The following CSTPP1 variants were observed in gnomAD, a reference collection of about 807,000 sequenced individuals.
CSTPP1 encodes centriolar satellite-associated tubulin polyglutamylase complex regulator 1, also known as UPF0705 protein C11orf49.
the CSTPP1 span, among the ~76,000 whole-genome samples, chr11:47,063,939 C>T: frequency 6.6e-6 from 1 of 152,170 alleles, no homozygotes; most frequent in East Asian, 1.9e-4. Context: ...TACATTCTCA[C>T]CAGCAATGCA....
the CSTPP1 span, among the ~76,000 whole-genome samples, chr11:47,012,995 T>TTA: frequency 0.067 from 5,888 of 87,692 alleles, 385 homozygotes; most frequent in African/African-American, 0.19. Flanking sequence ...GACAGAATGG[T>TTA]TATATATATA....
the CSTPP1 span, among the ~76,000 whole-genome samples, chr11:46,958,537 T>C: frequency 8.5e-5 from 13 of 152,148 alleles, no homozygotes; most frequent in Non-Finnish European, 1.3e-4. Flanking sequence ...CTTGAACTCC[T>C]GGGTTCAAGC....
the CSTPP1 span, among the ~76,000 whole-genome samples, chr11:46,962,857 G>A: frequency 2.6e-5 from 4 of 152,050 alleles, no homozygotes; most frequent in African/African-American, 4.8e-5. Context: ...AGGAAGCTAA[G>A]GTGGGAGAAT....
chr11:47,044,969 A>C, the CSTPP1 span, among the ~76,000 whole-genome samples: 1 of 152,316 alleles, frequency 6.6e-6, no homozygotes, highest in South Asian at 2.1e-4. Context: ...AGTCAGTTTA[A>C]AGTACTGAGC....
At chr11:47,103,060 C>A in the CSTPP1 span, among the ~76,000 whole-genome samples, 1 of 149,758 alleles carries the variant, frequency 6.7e-6, no homozygotes. Flanking sequence ...GAGAGTGTGG[C>A]CCCAAAGGCA....
At chr11:47,038,513 T>A in the CSTPP1 span, among the ~76,000 whole-genome samples, 1 of 94,822 alleles carries the variant, frequency 1.1e-5, no homozygotes, top group African/African-American at 3.1e-5. Flanking sequence ...GGCTCCTCAC[T>A]TCCCAGTAGG....
chr11:46,973,573 T>C, the CSTPP1 span, among the ~76,000 whole-genome samples: 1 of 152,216 alleles, frequency 6.6e-6, no homozygotes, highest in African/African-American at 2.4e-5. Flanking sequence ...CCATGAGGAC[T>C]GAAGGAACTC....
At chr11:46,973,510 A>G in the CSTPP1 span, among the ~76,000 whole-genome samples, 3 of 152,188 alleles carry the variant, frequency 2.0e-5, no homozygotes, top group African/African-American at 7.2e-5. Context: ...ACTCAAGCAT[A>G]TATTTTTCTG....
At chr11:47,151,891 C>T in the CSTPP1 span, among the ~76,000 whole-genome samples, 2 of 152,058 alleles carry the variant, frequency 1.3e-5, no homozygotes, top group South Asian at 4.2e-4. Context: ...TCAGACTCTT[C>T]ACCTGTAGAA....
At chr11:47,048,252 G>A in the CSTPP1 span, among the ~76,000 whole-genome samples, 1 of 152,142 alleles carries the variant, frequency 6.6e-6, no homozygotes, top group Admixed American at 6.5e-5. Context: ...AGTAACCCAA[G>A]GGTCCATCAA....
the CSTPP1 span, chr11:47,157,014 C>T: frequency 1.4e-5 from 23 of 1,613,532 alleles, no homozygotes; most frequent in East Asian, 1.3e-4. Context: ...CCCACCCCCA[C>T]GGTTCCAGAA....
chr11:47,045,882 G>A, the CSTPP1 span, among the ~76,000 whole-genome samples: 1 of 152,062 alleles, frequency 6.6e-6, no homozygotes, highest in African/African-American at 2.4e-5. Context: ...CGTCCCCCGG[G>A]TTTAAGCAAT....
chr11:46,960,768 C>T, the CSTPP1 span, among the ~76,000 whole-genome samples: 2 of 152,074 alleles, frequency 1.3e-5, no homozygotes, highest in East Asian at 3.9e-4. Flanking sequence ...AGGAGAACTG[C>T]TTGAATCCAG....
At chr11:47,081,516 T>C in the CSTPP1 span, among the ~76,000 whole-genome samples, 1 of 152,210 alleles carries the variant, frequency 6.6e-6, no homozygotes, top group African/African-American at 2.4e-5. Flanking sequence ...TGCCAATAAG[T>C]GGCAGAGCTC....
At chr11:47,161,712 C>A in the CSTPP1 span, 2 of 1,518,848 alleles carry the variant, frequency 1.3e-6, no homozygotes, top group Non-Finnish European at 1.8e-6. Flanking sequence ...ACCCAGCCTC[C>A]TCTCCAGCAC....
At chr11:47,038,151 G>T in the CSTPP1 span, among the ~76,000 whole-genome samples, 4 of 78,386 alleles carry the variant, frequency 5.1e-5, 1 homozygote, top group Admixed American at 1.4e-4. Context: ...CCGGGCGGGG[G>T]GCGGACCCCC....
chr11:47,069,773 A>G, the CSTPP1 span, among the ~76,000 whole-genome samples: 1 of 152,046 alleles, frequency 6.6e-6, no homozygotes, highest in Non-Finnish European at 1.5e-5. Context: ...CAGTGGCACG[A>G]TCTCACTCAC....
chr11:46,982,775 T>C, the CSTPP1 span, among the ~76,000 whole-genome samples: 1 of 152,286 alleles, frequency 6.6e-6, no homozygotes, highest in South Asian at 2.1e-4. Flanking sequence ...TCTAAACATC[T>C]TGGTTTGATG....
the CSTPP1 span, chr11:47,157,704 A>C: frequency 1.1e-6 from 1 of 928,958 alleles, no homozygotes; most frequent in East Asian, 3.5e-5. Flanking sequence ...TGGGGCTCCC[A>C]AGGCAGGTCC....
Sources: gnomAD v4.1 joint callset for allele counts (sites outside exome capture counted in the v4.1 genomes callset) on GRCh38, gnomAD v4.1.1 for gene constraint, MANE v1.5 for transcripts, NCBI Gene and HGNC (gene_info 2026-07-23, HGNC 2026-07-21) for gene names.